TSR3: variants seen among roughly 807,000 people sequenced by gnomAD.
TSR3 encodes TSR3 ribosome maturation factor, also known as 18S rRNA aminocarboxypropyltransferase.
In TSR3, 31 loss-of-function variants were observed where a neutral mutation model predicts 28.1. The observed-to-expected ratio is 1.10, with a 90% CI of 0.83 to 1.49. TSR3 has a LOEUF of 1.49. Ranked by LOEUF, TSR3 falls within the 40% of genes most tolerant of loss-of-function variation. TSR3 has a pLI of 0.00. For synonymous variants in TSR3, 219 were observed against 197.2 expected, an observed-to-expected ratio of 1.11 and a Z score of -0.93; for missense variants, 511 against 444.0, an observed-to-expected ratio of 1.15 and a Z score of -1.36.
At position 1,351,571 on chromosome 16, in the gene TSR3, C is replaced by T. The variant is rs562102467; in HGVS notation, c.140G>A (p.Gly47Asp). The T allele has an allele frequency of 1.2e-4, 170 of 1,475,200 alleles. No individual in the cohort carries two copies. In the African/African-American group the frequency reaches 2.4e-3, roughly 21 times the overall value. 91.4% of individuals were successfully genotyped at this position (1,475,200 alleles called of 1,614,324 possible). A position where few individuals can be genotyped will look rare whatever the true frequency, so the allele number is the denominator to read the frequency against. ...CGCCGCCGGGCCCGGGCCGCCCTCG[C>T]CGTCAGCCGCCCCTGGCTCCACGGA... ...QASVEPGAADGEGGPGPAALP... is the reference protein window; with the variant it reads ...QASVEPGAADDEGGPGPAALP... The change falls in exon 2 of 6, where the codon GGC (glycine) becomes GAC (aspartate). Residue 47 changes from glycine to aspartate, a missense_variant. Coordinates refer to ENST00000007390, the MANE Select transcript of TSR3 (RefSeq NM_001001410.3).
At chr16:1,349,858 A>C in intron 5 of TSR3, 31 bp downstream of exon 5, 1 of 1,612,642 alleles carries the variant, frequency 6.2e-7, no homozygotes, top group East Asian at 2.2e-5. Context: ...CCTGGGTCTG[A>C]GTGATCATGA....
intron 3 of TSR3, 75 bp from the exon 4 acceptor site, chr16:1,350,309 G>A: frequency 1.4e-6 from 2 of 1,456,576 alleles, no homozygotes; most frequent in South Asian, 2.6e-5. Flanking sequence ...CCTGCTGCCG[G>A]ATGGCGGCGC....
intron 4 of TSR3, 42 bp downstream of exon 4, chr16:1,350,016 C>G (rs760581168): frequency 2.0e-4 from 329 of 1,610,730 alleles, no homozygotes; most frequent in Non-Finnish European, 2.7e-4. Flanking sequence ...TCCCACCCCC[C>G]AGGCTTTGGA....
At chr16:1,351,664 A>AC in intron 1 of TSR3, 29 bp downstream of exon 1, 1 of 1,408,604 alleles carries the variant, frequency 7.1e-7, no homozygotes, top group Non-Finnish European at 9.2e-7. Context: ...TCAAACCCTG[A>AC]CCCGCTCTCC....
Position 1,349,578 on chromosome 16 carries a change from C to A in TSR3, c.798G>T (p.Ala266=). 2 of 1,610,974 alleles carry A rather than the reference C, an allele frequency of 1.2e-6. No individual in the cohort carries two copies. Among genetic ancestry groups the A allele is most frequent in the Non-Finnish European group, 1.7e-6 (2 of 1,179,034 alleles). Residue 266 remains alanine (A), a synonymous_variant, in exon 6 of 6, where the codon GCG becomes GCT. Coordinates refer to ENST00000007390, the MANE Select transcript of TSR3 (RefSeq NM_001001410.3). ...RLPSDTDDSD[A]SEDPGPGAER... ...CGGCGCCAGGCCCTGGGTCCTCAGA[C>A]GCATCACTGTCATCAGTGTCCGAGG... is the stretch of plus-strand genomic sequence containing the variant.
chr16:1,349,571 C>G lies in TSR3; in HGVS notation c.805G>C (p.Asp269His). 2 of 1,612,062 alleles carry G rather than the reference C, an allele frequency of 1.2e-6. No individual in the cohort carries two copies. The highest frequency in any genetic ancestry group is 1.7e-6 in the Non-Finnish European group (2 of 1,179,532). Residue 269 changes from aspartate to histidine, a missense_variant, in exon 6 of 6, where the codon GAC becomes CAC. Physicochemically the swap from Asp to His is moderately conservative, Grantham distance 81. Transcript: ENST00000007390. The stretch of plus-strand genomic sequence containing the variant: ...CCGCGCTCGGCGCCAGGCCCTGGGT[C>G]CTCAGACGCATCACTGTCATCAGTG... ...SDTDDSDASE[D>H]PGPGAERGGA...
In TSR3 at chr16:1,349,436, C is replaced by G; in HGVS notation, c.*1G>C. ...CTCAAAAATATATGTGTCTGCAACC[C>G]TCAGTCTCTCTGCCGTTTCTTGATT... On this transcript the variant is annotated 3_prime_UTR_variant, in exon 6 of 6. Transcript: ENST00000007390. 1 of 1,613,620 alleles carries G rather than the reference C, an allele frequency of 6.2e-7. No homozygotes were observed. The highest frequency in any genetic ancestry group is 2.2e-5 in the East Asian group (1 of 44,888).
At position 1,350,905 on chromosome 16, in the gene TSR3, C is replaced by A. The variant is rs1212261562; in HGVS notation, c.428G>T (p.Arg143Leu). Residue 143 changes from arginine (R) to leucine (L), a missense_variant, in exon 3 of 6, where the codon CGC (arginine) becomes CTC (leucine). Transcript: ENST00000007390. ...PFGKMRGSHLRLLPYLVAANP... is the reference protein window; with the variant it reads ...PFGKMRGSHLLLLPYLVAANP... ...GGCGGCCACCAGGTAGGGCAACAGG[C>A]GCAAGTGGCTCCCTCGCATCTTCCC... 1 of 1,612,978 alleles carries A rather than the reference C, an allele frequency of 6.2e-7. No homozygotes were observed. The highest frequency in any genetic ancestry group is 8.5e-7 in the Non-Finnish European group (1 of 1,179,994).
Position 1,349,524 on chromosome 16 carries a change from A to G in TSR3, c.852T>C (p.Cys284=), listed in dbSNP as rs1444035427. 1.2e-6 allele frequency: 2 copies of G among 1,613,038 alleles called. No individual in the cohort carries two copies. Among genetic ancestry groups the G allele is most frequent in the African/African-American group, 1.3e-5 (1 of 74,836 alleles). ...AERGGASSSC[C]EEEQTQGRGA... is the part of the protein sequence containing the mutation. ...CCCGTCCCTGCGTCTGCTCCTCTTC[A>G]CAGCAGCTGCTGCTGGCTCCTCCGC... Residue 284 remains cysteine (C), a synonymous_variant, in exon 6 of 6, where the codon TGT becomes TGC. Coordinates refer to ENST00000007390, the MANE Select transcript of TSR3 (RefSeq NM_001001410.3).
Position 1,350,177 on chromosome 16 carries a change from A to C in TSR3, c.584T>G (p.Leu195Trp), listed in dbSNP as rs895006618. 2.5e-6 allele frequency: 4 copies of C among 1,609,976 alleles called. No homozygotes were observed. The highest frequency in any genetic ancestry group is 1.7e-6 in the Non-Finnish European group (2 of 1,179,806). Residue 195 changes from leucine (L) to tryptophan (W), a missense_variant, in exon 4 of 6, where the codon TTG becomes TGG. Transcript: ENST00000007390. The part of the protein sequence containing the change: ...LRKFKWGKGF[L>W]DLNRQLLDKY... ...GTCCAGGAGCTGGCGGTTCAGGTCC[A>C]AGAAGCCCTTGCCCCATTTAAACTT...
rs933717447 is a variant in TSR3, at chr16:1,351,725, G to A, written c.80C>T (p.Ala27Val). 2.9e-6 allele frequency: 4 copies of A among 1,370,114 alleles called. No homozygotes were observed. In the South Asian group the frequency reaches 5.0e-5, roughly 17 times the overall value. The allele number at this position is 1,370,114 out of a possible 1,614,324, so 84.9% of individuals were successfully genotyped here. Residue 27 changes from alanine (A) to valine (V), a missense_variant, in exon 1 of 6, where the codon GCC (alanine) becomes GTC (valine). Physicochemically the swap from Ala to Val is moderately conservative, Grantham distance 64. Coordinates refer to ENST00000007390, the MANE Select transcript of TSR3 (RefSeq NM_001001410.3). ...CGCGGCGCCGACCTCCTCGGCGAAG[G>A]CCTCCAGGGAGCGCGTCGGGAGGTG... ...PRHLPTRSLEAFAEEVGAALQ... is the reference protein window; with the variant it reads ...PRHLPTRSLEVFAEEVGAALQ...
At chr16:1,350,684 G>A in intron 3 of TSR3, 123 bp downstream of exon 3, 1 of 1,187,350 alleles carries the variant, frequency 8.4e-7, no homozygotes, top group Non-Finnish European at 1.2e-6. Flanking sequence ...TGGTCTGTCT[G>A]AACTGTTCCC....
chr16:1,351,135 G>A (rs1019342350), intron 2 of TSR3, 135 bp from the exon 3 acceptor site: 21 of 1,071,820 alleles, frequency 2.0e-5, no homozygotes, highest in African/African-American at 4.8e-5. Context: ...GACTTCACGA[G>A]CAAGCTTTTG....
rs143210621 is a variant in TSR3 at position 1,350,943 on chromosome 16, G to A, written c.390C>T (p.Asp130=). Residue 130 remains aspartate, a synonymous_variant, in exon 3 of 6, where the codon GAC becomes GAT. Coordinates refer to ENST00000007390, the MANE Select transcript of TSR3 (RefSeq NM_001001410.3). Reference sequence around the variant, plus strand: ...CTCGCATCTTCCCAAACGGTGTCTCGTCCAGCCTGGCCCAGGAGCAGTCGA... The same window carrying A: ...CTCGCATCTTCCCAAACGGTGTCTCATCCAGCCTGGCCCAGGAGCAGTCGA... ...AVIDCSWARL[D]ETPFGKMRGS... 24 of 1,612,650 alleles carry A rather than the reference G, an allele frequency of 1.5e-5. No homozygotes were observed. The South Asian group carries it at 1.9e-4, about 13-fold the overall frequency.
rs2034654203 is a variant in TSR3 at position 1,350,847 on chromosome 16, A to T, written c.486T>A (p.Leu162=). 2 of 1,612,868 alleles carry T rather than the reference A, an allele frequency of 1.2e-6. No homozygotes were observed. Among genetic ancestry groups the T allele is most frequent in the African/African-American group, 2.7e-5 (2 of 74,916 alleles). Residue 162 remains leucine, a synonymous_variant, in exon 3 of 6, where the codon CTT becomes CTA. Coordinates refer to ENST00000007390, the MANE Select transcript of TSR3 (RefSeq NM_001001410.3). ...TGGCAGCAAACGCTTCCACGCAGGA[A>T]AGTCTGTAGGGCCGGCCATAGTTCA... ...NPVNYGRPYR[L]SCVEAFAATF... is the part of the protein sequence containing the mutation.
rs777149764 is a variant in TSR3, at chr16:1,351,379, C to T, written c.332G>A (p.Arg111Lys). 6.3e-7 allele frequency: 1 copy of T among 1,581,346 alleles called. No individual in the cohort carries two copies. Among genetic ancestry groups the T allele is most frequent in the Admixed American group, 1.8e-5 (1 of 56,058 alleles). ...VGKQYASPADRQLVAQSGVAV... is the reference protein window; with the variant it reads ...VGKQYASPADKQLVAQSGVAV... Reference sequence around the variant, plus strand: ...CCTCGGGCAGGCCTCCCGCGCCTACCTGTCTGCGGGGGACGCGTACTGCTT... The same window carrying T: ...CCTCGGGCAGGCCTCCCGCGCCTACTTGTCTGCGGGGGACGCGTACTGCTT... The change falls in exon 2 of 6, where the codon AGA (arginine) becomes AAA (lysine). Residue 111 changes from arginine (R) to lysine (K), a missense_variant and splice_region_variant. Coordinates refer to ENST00000007390, the MANE Select transcript of TSR3 (RefSeq NM_001001410.3).
In TSR3 at chr16:1,349,462, C is replaced by A. The variant is rs775807637; in HGVS notation, c.914G>T (p.Gly305Val). Residue 305 changes from glycine (G) to valine (V), a missense_variant, in exon 6 of 6, where the codon GGA becomes GTA. Transcript: ENST00000007390. Reference protein sequence around the residue: ...EARAPAEVWKGIKKRQRD With the variant: ...EARAPAEVWKVIKKRQRD ...TCAGTCTCTCTGCCGTTTCTTGATT[C>A]CTTTCCAAACCTCAGCCGGGGCCCT... 6.8e-6 allele frequency: 11 copies of A among 1,613,546 alleles called. No individual in the cohort carries two copies. In the South Asian group the frequency reaches 1.2e-4, roughly 18 times the overall value.
chr16:1,351,767 T>C lies in TSR3; in HGVS notation c.38A>G (p.Glu13Gly). 1.5e-6 allele frequency: 2 copies of C among 1,350,078 alleles called. No individual in the cohort carries two copies. The highest frequency in any genetic ancestry group is 1.9e-6 in the Non-Finnish European group (2 of 1,056,178). 83.6% of individuals were successfully genotyped at this position (1,350,078 alleles called of 1,614,324 possible). ...RRRAARGPGA[E>G]GGRPRHLPTR... ...CGGGAGGTGCCGAGGGCGGCCGCCT[T>C]CCGCCCCCGGCCCGCGCGCTGCCCT... is the stretch of plus-strand genomic sequence containing the variant. Residue 13 changes from glutamate (E) to glycine (G), a missense_variant, in exon 1 of 6, where the codon GAA becomes GGA. Glu to Gly is a moderately conservative substitution (Grantham distance 98). Coordinates refer to ENST00000007390, the MANE Select transcript of TSR3 (RefSeq NM_001001410.3).
At position 1,351,752 on chromosome 16, in the gene TSR3, C is replaced by G. The variant is rs1444362643; in HGVS notation, c.53G>C (p.Arg18Pro). 24 of 1,355,580 alleles carry G rather than the reference C, an allele frequency of 1.8e-5. No homozygotes were observed. The highest frequency in any genetic ancestry group is 2.3e-5 in the Non-Finnish European group (24 of 1,059,194). 84.0% of individuals were successfully genotyped at this position (1,355,580 alleles called of 1,614,324 possible). A position where few individuals can be genotyped will look rare whatever the true frequency, so the allele number is the denominator to read the frequency against. The change falls in exon 1 of 6, where the codon CGG becomes CCG. Residue 18 changes from arginine to proline, a missense_variant. Arg to Pro is a moderately radical substitution (Grantham distance 103, BLOSUM62 -2). Coordinates refer to ENST00000007390, the MANE Select transcript of TSR3 (RefSeq NM_001001410.3). ...CTCCAGGGAGCGCGTCGGGAGGTGC[C>G]GAGGGCGGCCGCCTTCCGCCCCCGG... Reference protein sequence around the residue: ...RGPGAEGGRPRHLPTRSLEAF... With the variant: ...RGPGAEGGRPPHLPTRSLEAF...
Sources: gnomAD v4.1 joint callset for allele counts on GRCh38, gnomAD v4.1.1 for gene constraint, MANE v1.5 for transcripts, NCBI Gene and HGNC (gene_info 2026-07-23, HGNC 2026-07-21) for gene names.